Variants in ARHGAP8 observed in about 807,000 individuals in gnomAD.
ARHGAP8 encodes Rho GTPase activating protein 8.
ARHGAP8 carries 62 observed loss-of-function variants against 46.1 expected under a neutral mutation model. The ratio of observed to expected loss-of-function variants is 1.34; its 90% confidence interval spans 1.10 to 1.66. ARHGAP8 has a LOEUF of 1.66. ARHGAP8 is among the 40% of genes most tolerant of loss of function. ARHGAP8 has a pLI of 0.00. For missense variants in ARHGAP8, 923 were observed against 568.4 expected (o/e 1.62, Z -6.34); for synonymous variants, 375 against 243.1 (o/e 1.54, Z -5.05).
chr22:44,759,744 TCGTG>T (rs1336482555), intron 1 of ARHGAP8, among the ~76,000 whole-genome samples: 1 of 152,236 alleles, frequency 6.6e-6, no homozygotes, highest in African/African-American at 2.4e-5. Flanking sequence ...GGAGATTGCC[TCGTG>T]CTGATTAGCT....
intron 5 of ARHGAP8, among the ~76,000 whole-genome samples, chr22:44,816,045 G>A (rs1929716886): frequency 6.6e-6 from 1 of 152,000 alleles, no homozygotes; most frequent in African/African-American, 2.4e-5. Flanking sequence ...TCCCTAGGAT[G>A]AAGCCTCTGG....
chr22:44,795,049 A>AAC (rs1927980131), intron 2 of ARHGAP8, among the ~76,000 whole-genome samples: 2 of 151,866 alleles, frequency 1.3e-5, no homozygotes, highest in African/African-American at 4.8e-5. Flanking sequence ...TCAAAAAAAA[A>AAC]AAAAACAAAA....
intron 7 of ARHGAP8, among the ~76,000 whole-genome samples, chr22:44,829,904 A>G (rs1012349830): frequency 4.6e-5 from 7 of 152,134 alleles, no homozygotes; most frequent in Non-Finnish European, 2.9e-5. Flanking sequence ...GAAAAATGGA[A>G]ACCTGAGGCC....
intron 7 of ARHGAP8, among the ~76,000 whole-genome samples, chr22:44,837,569 G>A (rs777657658): frequency 6.6e-6 from 1 of 152,238 alleles, no homozygotes; most frequent in Non-Finnish European, 1.5e-5. Context: ...ATTCACCGGC[G>A]CCCTGGGCAT....
chr22:44,772,397 C>T (rs1926104791), intron 1 of ARHGAP8, among the ~76,000 whole-genome samples: 1 of 135,886 alleles, frequency 7.4e-6, no homozygotes, highest in African/African-American at 2.8e-5. Context: ...GCTATGTTGA[C>T]CAGGTTGGTC....
chr22:44,801,990 C>T, intron 2 of ARHGAP8, 87 bp from the exon 3 acceptor site: 1 of 1,537,022 alleles, frequency 6.5e-7, no homozygotes, highest in Non-Finnish European at 8.9e-7. Context: ...TCGGGCTGGA[C>T]TGGCCAAGGA....
At chr22:44,813,353 TTA>T (rs1929478618) in intron 4 of ARHGAP8, among the ~76,000 whole-genome samples, 1 of 147,448 alleles carries the variant, frequency 6.8e-6, no homozygotes, top group Admixed American at 6.7e-5. Context: ...ATACATACAC[TTA>T]CACACACCTA....
At chr22:44,759,807 C>T (rs963484704) in intron 1 of ARHGAP8, among the ~76,000 whole-genome samples, 1 of 152,234 alleles carries the variant, frequency 6.6e-6, no homozygotes, top group Admixed American at 6.5e-5. Flanking sequence ...TATGATTACT[C>T]TTAGCCTAAC....
chr22:44,790,103 A>G (rs530515276), intron 2 of ARHGAP8, among the ~76,000 whole-genome samples: 25 of 152,222 alleles, frequency 1.6e-4, no homozygotes, highest in Admixed American at 3.9e-4. Context: ...TCTGGGGCAC[A>G]TTAAACATAG....
intron 5 of ARHGAP8, among the ~76,000 whole-genome samples, chr22:44,818,372 C>G (rs1929895133): frequency 6.7e-6 from 1 of 148,612 alleles, no homozygotes. Context: ...TCACTTGAAT[C>G]CAGGAGGCAG....
chr22:44,783,228 C>G (rs1011306107), intron 1 of ARHGAP8, among the ~76,000 whole-genome samples: 3 of 152,270 alleles, frequency 2.0e-5, no homozygotes, highest in East Asian at 3.9e-4. Flanking sequence ...TGGCCTGGCT[C>G]TCCCATAGCC....
Position 44,849,059 on chromosome 22 carries a change from C to T in ARHGAP8, c.876C>T (p.Thr292=). 1 of 1,613,782 alleles carries T rather than the reference C, an allele frequency of 6.2e-7. No homozygotes were observed. The highest frequency in any genetic ancestry group is 8.5e-7 in the Non-Finnish European group (1 of 1,179,928). The change falls in exon 10 of 12, where the codon ACC becomes ACT. Residue 292 remains threonine, a splice_region_variant and synonymous_variant. Coordinates refer to ENST00000356099, the MANE Select transcript of ARHGAP8 (RefSeq NM_181335.3). ...FQAYEQILGI[T]CVESSLRVTG... ...CCTACGAGCAGATTCTCGGGATCAC[C>T]TGTGCGTAGCTGCCCTGGCGCAGGG...
chr22:44,813,196 A>G (rs932845306), intron 4 of ARHGAP8, among the ~76,000 whole-genome samples: 2 of 152,016 alleles, frequency 1.3e-5, no homozygotes, highest in Admixed American at 6.6e-5. Flanking sequence ...TATGGCTCCC[A>G]GGCCCTTTCA....
At chr22:44,798,060 T>C (rs148912445) in intron 2 of ARHGAP8, among the ~76,000 whole-genome samples, 1 of 149,176 alleles carries the variant, frequency 6.7e-6, no homozygotes, top group East Asian at 2.0e-4. Flanking sequence ...CACTGCAACC[T>C]CCACCTCCCG....
At chr22:44,819,565 C>G (rs1569161189) in intron 5 of ARHGAP8, among the ~76,000 whole-genome samples, 2 of 152,082 alleles carry the variant, frequency 1.3e-5, no homozygotes, top group African/African-American at 4.8e-5. Context: ...CCCAGCTACT[C>G]AGGAGGGTGA....
intron 7 of ARHGAP8, 131 bp from the exon 8 acceptor site, chr22:44,845,138 A>T (rs2069921786): frequency 1.9e-6 from 2 of 1,066,908 alleles, no homozygotes; most frequent in Non-Finnish European, 2.7e-6. Flanking sequence ...GGCTGAGCCT[A>T]CCTCTCTCTT....
rs2070534746 is a variant in ARHGAP8, at chr22:44,862,343, G to C, written c.1050G>C (p.Leu350Phe). The C allele has an allele frequency of 6.2e-7, 1 of 1,613,944 alleles. No homozygotes were observed. Among genetic ancestry groups the C allele is most frequent in the Non-Finnish European group, 8.5e-7 (1 of 1,179,970 alleles). ...TGGCCTGTGTCTTCGGGCTGAATTT[G>C]ATCTGGCCATCCCAGGGGGTCTCCT... ...SNLACVFGLN[L>F]IWPSQGVSSL... is the part of the protein sequence containing the mutation. The change falls in exon 12 of 12, where the codon TTG (leucine) becomes TTC (phenylalanine). Residue 350 changes from leucine to phenylalanine, a missense_variant. Leu to Phe is a conservative substitution (Grantham distance 22). Coordinates refer to ENST00000356099, the MANE Select transcript of ARHGAP8 (RefSeq NM_181335.3).
intron 1 of ARHGAP8, among the ~76,000 whole-genome samples, chr22:44,785,288 C>T (rs1405885442): frequency 6.6e-6 from 1 of 152,172 alleles, no homozygotes; most frequent in African/African-American, 2.4e-5. Flanking sequence ...CTCCTCGGGC[C>T]GCCAGCAAAG....
At chr22:44,860,061 C>T (rs1425961550) in intron 11 of ARHGAP8, among the ~76,000 whole-genome samples, 2 of 151,824 alleles carry the variant, frequency 1.3e-5, no homozygotes, top group Non-Finnish European at 2.9e-5. Flanking sequence ...CCTGCCTGCT[C>T]CTGTACCTGC....
Sources: allele counts gnomAD v4.1 joint callset (sites outside exome capture counted in the v4.1 genomes callset), GRCh38; gene constraint gnomAD v4.1.1; transcripts MANE v1.5; gene names NCBI Gene and HGNC (gene_info 2026-07-23, HGNC 2026-07-21).